The following FEZ1 variants were observed in gnomAD, a reference collection of about 807,000 sequenced individuals.
FEZ1 encodes the protein fasciculation and elongation protein zeta-1.
FEZ1 carries 20 observed loss-of-function variants against 49.3 expected under a neutral mutation model. The observed-to-expected ratio is 0.41, with a 90% CI of 0.29 to 0.59. FEZ1 has a LOEUF of 0.59. FEZ1 is among the 20% of genes least tolerant of loss of function. FEZ1 has a pLI of 0.36. For missense variants in FEZ1, 413 were observed against 476.0 expected (o/e 0.87, Z 1.23); for synonymous variants, 170 against 180.9 (o/e 0.94, Z 0.48).
chr11:125,446,799 T>G (rs1216034644), intron 9 of FEZ1, among the ~76,000 whole-genome samples: 2 of 152,088 alleles, frequency 1.3e-5, no homozygotes, highest in Non-Finnish European at 2.9e-5. Context: ...CACCTCAGCC[T>G]CCTGAGTAGT....
At chr11:125,493,142 C>T (rs181479297) in intron 1 of FEZ1, among the ~76,000 whole-genome samples, 1,665 of 148,972 alleles carry the variant, frequency 0.011, 26 homozygotes, top group African/African-American at 0.03. Flanking sequence ...GCCTGGCCAA[C>T]ATGGCAAAAC....
At chr11:125,479,861 A>G (rs925998417) in intron 3 of FEZ1, among the ~76,000 whole-genome samples, 1 of 152,244 alleles carries the variant, frequency 6.6e-6, no homozygotes, top group African/African-American at 2.4e-5. Context: ...CTGTTACAGC[A>G]GCCCAAACTG....
At chr11:125,454,799 A>G (rs1031347569) in intron 6 of FEZ1, among the ~76,000 whole-genome samples, 42 of 151,862 alleles carry the variant, frequency 2.8e-4, no homozygotes, top group Middle Eastern at 3.4e-3. Context: ...GGAGATCACG[A>G]GGTGAGGAGT....
intron 1 of FEZ1, among the ~76,000 whole-genome samples, chr11:125,493,888 C>T (rs1260655701): frequency 1.3e-5 from 2 of 152,160 alleles, no homozygotes; most frequent in Non-Finnish European, 2.9e-5. Flanking sequence ...TAACCAGCAA[C>T]AAGAGGCCAA....
chr11:125,489,858 C>T lies in FEZ1; in HGVS notation c.-45-36G>A, dbSNP rs1411863804. ...TGAACAGCGTAATGTGAGTTTAGAC[C>T]AGGCTAATCTAAATAATAGAGTTAA... On this transcript the variant is annotated intron_variant, in intron 1 of 9. Coordinates refer to ENST00000278919, the MANE Select transcript of FEZ1 (RefSeq NM_005103.5). The surrounding 1 kb of genome is among the most constrained non-coding windows in gnomAD (Gnocchi z 4.2). 8 of 1,482,318 alleles carry T rather than the reference C, an allele frequency of 5.4e-6. No homozygotes were observed. Among genetic ancestry groups the T allele is most frequent in the Non-Finnish European group, 7.2e-6 (8 of 1,115,874 alleles). The allele number at this position is 1,482,318 out of a possible 1,614,324, so 91.8% of individuals were successfully genotyped here. A position where few individuals can be genotyped will look rare whatever the true frequency, so the allele number is the denominator to read the frequency against.
chr11:125,459,298 A>G (rs929041946), intron 5 of FEZ1, among the ~76,000 whole-genome samples: 4 of 152,048 alleles, frequency 2.6e-5, no homozygotes, highest in African/African-American at 9.7e-5. Flanking sequence ...TCAATAATAA[A>G]ATAGTTTTCT....
At position 125,463,590 on chromosome 11, in the gene FEZ1, A is replaced by T. The variant is rs1957095541; in HGVS notation, c.412-20T>A. On this transcript the variant is annotated intron_variant, in intron 3 of 9. Transcript: ENST00000278919. Reference sequence around the variant, plus strand: ...ATGGATCTGGAGAGGAGGTGGGGAGATGGAATTCTGGGTGACCATCAGCAG... The same window carrying T: ...ATGGATCTGGAGAGGAGGTGGGGAGTTGGAATTCTGGGTGACCATCAGCAG... 2 of 1,497,240 alleles carry T rather than the reference A, an allele frequency of 1.3e-6. No individual in the cohort carries two copies. The highest frequency in any genetic ancestry group is 1.4e-5 in the African/African-American group (1 of 72,590). The allele number at this position is 1,497,240 out of a possible 1,614,324, so 92.7% of individuals were successfully genotyped here.
At chr11:125,470,416 G>A (rs1026443496) in intron 3 of FEZ1, among the ~76,000 whole-genome samples, 2 of 152,206 alleles carry the variant, frequency 1.3e-5, no homozygotes, top group Non-Finnish European at 2.9e-5. Flanking sequence ...AGAATTATGG[G>A]CGGGGAAAAA....
intron 5 of FEZ1, among the ~76,000 whole-genome samples, chr11:125,457,502 A>ATATATATACATATATATATGTG (rs1555178543): frequency 2.7e-5 from 3 of 109,788 alleles, no homozygotes; most frequent in African/African-American, 1.1e-4. Flanking sequence ...GTATATATGT[A>ATATATATACATATATATATGTG]TATATATACA....
At chr11:125,473,832 A>G (rs927635774) in intron 3 of FEZ1, among the ~76,000 whole-genome samples, 1 of 151,838 alleles carries the variant, frequency 6.6e-6, no homozygotes, top group East Asian at 1.9e-4. Context: ...AAAAAAAAAA[A>G]AAACAGAAAG....
chr11:125,493,655 A>T (rs1294670066), intron 1 of FEZ1, among the ~76,000 whole-genome samples: 1 of 152,202 alleles, frequency 6.6e-6, no homozygotes, highest in East Asian at 1.9e-4. Flanking sequence ...CTATTGCTGA[A>T]AGAATTTTAG....
At chr11:125,480,974 G>A (rs528275435) in intron 3 of FEZ1, among the ~76,000 whole-genome samples, 20 of 152,016 alleles carry the variant, frequency 1.3e-4, no homozygotes, top group African/African-American at 4.6e-4. Flanking sequence ...GGGAGGCGAA[G>A]GTTGCAGTGA....
chr11:125,445,426 A>G lies in FEZ1; in HGVS notation c.*669T>C, dbSNP rs976155553. 6.6e-6 allele frequency among the ~76,000 whole-genome samples: 1 copy of G among 152,118 alleles called. No individual in the cohort carries two copies. Among genetic ancestry groups the G allele is most frequent in the African/African-American group, 2.4e-5 (1 of 41,424 alleles). The stretch of plus-strand genomic sequence containing the variant: ...GCTGTGTGGCTCCTCCATGAGGCCC[A>G]CTTTCTATCTGCTAATTGCACACTC... On this transcript the variant is annotated 3_prime_UTR_variant, in exon 10 of 10. Coordinates refer to ENST00000278919, the MANE Select transcript of FEZ1 (RefSeq NM_005103.5). The surrounding 1 kb of genome is among the most constrained non-coding windows in gnomAD (Gnocchi z 4.4).
chr11:125,445,801 G>A lies in FEZ1; in HGVS notation c.*294C>T, dbSNP rs1956892900. The A allele has an allele frequency of 2.2e-6, 1 of 452,562 alleles. No individual in the cohort carries two copies. Among genetic ancestry groups the A allele is most frequent in the Non-Finnish European group, 4.1e-6 (1 of 241,292 alleles). The allele number at this position is 452,562 out of a possible 1,614,324, so 28.0% of individuals were successfully genotyped here. A position where few individuals can be genotyped will look rare whatever the true frequency, so the allele number is the denominator to read the frequency against. On this transcript the variant is annotated 3_prime_UTR_variant, in exon 10 of 10. Transcript: ENST00000278919. This position sits in a 1 kb window ranked among gnomAD's most constrained non-coding sequence, Gnocchi z 4.4. Reference sequence around the variant, plus strand: ...AAAATTAGTCTTAAGAGTATAAGCTGTTTTTGAGGGCTGTAGCCAGACTAC... The same window carrying A: ...AAAATTAGTCTTAAGAGTATAAGCTATTTTTGAGGGCTGTAGCCAGACTAC...
intron 5 of FEZ1, among the ~76,000 whole-genome samples, chr11:125,457,486 ATATGTG>A (rs763834488): frequency 5.5e-4 from 15 of 27,186 alleles, no homozygotes; most frequent in African/African-American, 1.3e-3. Context: ...ATATACACAT[ATATGTG>A]TATATATGTA....
At chr11:125,452,085 A>T (rs1565531114) in intron 8 of FEZ1, among the ~76,000 whole-genome samples, 2 of 151,412 alleles carry the variant, frequency 1.3e-5, no homozygotes, top group Non-Finnish European at 2.9e-5. Flanking sequence ...TCACCAGCTC[A>T]TTTTTTTTTC....
chr11:125,483,721 GC>G (rs1426266370), intron 2 of FEZ1, among the ~76,000 whole-genome samples: 1 of 152,182 alleles, frequency 6.6e-6, no homozygotes, highest in African/African-American at 2.4e-5. Flanking sequence ...TGCAGGAAGT[GC>G]CCACAGAAAT....
chr11:125,463,899 G>A (rs192282318), intron 3 of FEZ1, among the ~76,000 whole-genome samples: 3 of 152,294 alleles, frequency 2.0e-5, no homozygotes, highest in East Asian at 1.9e-4. Flanking sequence ...TGAACAAGGC[G>A]CCTTCTCCAG....
At chr11:125,470,530 A>G (rs143819014) in intron 3 of FEZ1, among the ~76,000 whole-genome samples, 1 of 152,340 alleles carries the variant, frequency 6.6e-6, no homozygotes, top group East Asian at 1.9e-4. Context: ...AGTAACTGGT[A>G]TTGGACTTAT....
Sources: allele counts gnomAD v4.1 joint callset (sites outside exome capture counted in the v4.1 genomes callset), GRCh38; gene constraint gnomAD v4.1.1; non-coding constraint Gnocchi (gnomAD v3.1); transcripts MANE v1.5; gene names NCBI Gene and HGNC (gene_info 2026-07-23, HGNC 2026-07-21).